Variants in PCDH11X observed in about 807,000 individuals in gnomAD.
PCDH11X encodes protocadherin 11 X-linked.
Under a neutral mutation model 53.3 loss-of-function variants are expected in PCDH11X, and 18 were observed. The ratio of observed to expected loss-of-function variants is 0.34; its 90% CI spans 0.23 to 0.50. The LOEUF (loss-of-function observed/expected upper bound fraction) is 0.50. Among genes scored for constraint, PCDH11X ranks in the 20% least tolerant of loss-of-function variants. PCDH11X has a pLI of 0.98. For missense variants in PCDH11X, 570 were observed against 1,032.4 expected (o/e 0.55, Z 6.14); for synonymous variants, 279 against 393.3 (o/e 0.71, Z 3.44).
At chrX:92,168,425 G>A (rs1479315104) in intron 6 of PCDH11X, among the ~76,000 whole-genome samples, 1 of 110,245 alleles carries the variant, frequency 9.1e-6, no homozygotes, top group Non-Finnish European at 1.9e-5. Flanking sequence ...AGGTGTGGTG[G>A]TGCTTGCCAG....
At chrX:91,915,576 C>T (rs1421236984) in intron 6 of PCDH11X, among the ~76,000 whole-genome samples, 1 of 110,839 alleles carries the variant, frequency 9.0e-6, no homozygotes, top group East Asian at 2.8e-4. Context: ...AAAGCAACAA[C>T]ATGAAGAAAA....
At chrX:91,922,686 CCTGA>C (rs1437457805) in intron 6 of PCDH11X, among the ~76,000 whole-genome samples, 4 of 112,129 alleles carry the variant, frequency 3.6e-5, no homozygotes, top group Admixed American at 1.9e-4. Context: ...TAATCTAATG[CCTGA>C]CTATCTGAAG....
chrX:92,327,807 C>CA (rs2069373446), intron 8 of PCDH11X, among the ~76,000 whole-genome samples: 1 of 96,774 alleles, frequency 1.0e-5, no homozygotes, highest in Non-Finnish European at 2.1e-5. Flanking sequence ...AATTAAGATG[C>CA]AAAAAAAGAT....
chrX:92,275,920 G>A (rs2068079200), intron 8 of PCDH11X, among the ~76,000 whole-genome samples: 2 of 110,307 alleles, frequency 1.8e-5, no homozygotes, highest in African/African-American at 3.3e-5. Flanking sequence ...GGTTAAGGTG[G>A]GGGAATACAA....
At chrX:92,564,309 A>G (rs2557277) in intron 10 of PCDH11X, among the ~76,000 whole-genome samples, 6,396 of 104,336 alleles carry the variant, frequency 0.061, 284 homozygotes, top group Admixed American at 0.15. Flanking sequence ...CTAAATAGTC[A>G]AAGCTATTCT....
rs1319715540 is a variant in PCDH11X at position 92,302,975 on chromosome X, A to G, written c.3144+39832A>G. Among the ~76,000 whole-genome samples, 501 of 108,657 alleles carry G rather than the reference A, an allele frequency of 4.6e-3. 2 individuals carry two copies. Among genetic ancestry groups the G allele is most frequent in the Non-Finnish European group, 7.8e-3 (410 of 52,247 alleles). The allele number at this position is 108,657 out of a possible 115,157, so 94.4% of individuals were successfully genotyped here. A position where few individuals can be genotyped will look rare whatever the true frequency, so the allele number is the denominator to read the frequency against. On this transcript the variant is annotated intron_variant, in intron 8 of 10. Transcript: ENST00000682573. ...ATTTTGTAGCTAATGTCTGATTTCAATGCTAGTGGAATACATAAGGAGAGA... is the reference window on the plus strand; with the variant it reads ...ATTTTGTAGCTAATGTCTGATTTCAGTGCTAGTGGAATACATAAGGAGAGA...
intron 10 of PCDH11X, among the ~76,000 whole-genome samples, chrX:92,512,657 TGAGTGTACAGA>T (rs1319410268): frequency 8.9e-5 from 10 of 112,139 alleles, no homozygotes; most frequent in African/African-American, 2.9e-4. Context: ...CGTGTCACAG[TGAGTGTACAGA>T]GGGCTCGAGC....
chrX:91,965,040 A>G (rs1280475520), intron 6 of PCDH11X, among the ~76,000 whole-genome samples: 1 of 110,778 alleles, frequency 9.0e-6, no homozygotes, highest in Non-Finnish European at 1.9e-5. Flanking sequence ...ACAATGCGTG[A>G]AAAAAGGAAG....
intron 8 of PCDH11X, among the ~76,000 whole-genome samples, chrX:92,286,454 T>A (rs868164375): frequency 1.8e-4 from 15 of 82,573 alleles, no homozygotes; most frequent in African/African-American, 2.3e-4. Flanking sequence ...ATTCAAAAAG[T>A]AAAAAAAAAA....
In PCDH11X at chrX:92,274,681, C is replaced by T. The variant is rs763351395; in HGVS notation, c.3144+11538C>T. 5.3e-4 allele frequency among the ~76,000 whole-genome samples: 59 copies of T among 110,368 alleles called. 1 individual carries two copies. In the South Asian group the frequency reaches 0.022, roughly 42 times the overall value. On this transcript the variant is annotated intron_variant, in intron 8 of 10. Transcript: ENST00000682573. ...AGGAGTAGTAGAATAGCAGATGGAA[C>T]ACTGAGAAGTTATTTCCTTGAGGAT...
chrX:92,499,143 T>A (rs1169702285), intron 10 of PCDH11X, among the ~76,000 whole-genome samples: 7 of 108,749 alleles, frequency 6.4e-5, no homozygotes, highest in Middle Eastern at 4.8e-3. Flanking sequence ...TTTCTTTCTA[T>A]TAAAGTCAAA....
intron 8 of PCDH11X, among the ~76,000 whole-genome samples, chrX:92,275,325 T>G (rs493429): frequency 2.0e-5 from 2 of 99,940 alleles, no homozygotes; most frequent in Non-Finnish European, 4.2e-5. Context: ...TAATTGGACA[T>G]GATCAGCAGG....
intron 6 of PCDH11X, among the ~76,000 whole-genome samples, chrX:91,984,715 T>C (rs2062201031): frequency 9.0e-6 from 1 of 111,284 alleles, no homozygotes; most frequent in Admixed American, 9.6e-5. Context: ...AATCTGCATT[T>C]ATAAGTTCTC....
chrX:92,400,644 G>GT (rs2071368893), intron 9 of PCDH11X, among the ~76,000 whole-genome samples: 1 of 104,394 alleles, frequency 9.6e-6, no homozygotes, highest in Admixed American at 1.1e-4. Flanking sequence ...CTGATTATGT[G>GT]TAAGTTTTAT....
At chrX:92,278,789 C>T (rs1435042674) in intron 8 of PCDH11X, among the ~76,000 whole-genome samples, 1 of 103,343 alleles carries the variant, frequency 9.7e-6, no homozygotes, top group Non-Finnish European at 1.9e-5. Context: ...GCTCAGAGGC[C>T]TGACAGTCTC....
intron 9 of PCDH11X, among the ~76,000 whole-genome samples, chrX:92,435,547 T>A (rs971823474): frequency 1.3e-4 from 15 of 111,296 alleles, no homozygotes; most frequent in African/African-American, 4.6e-4. Context: ...GGGCAGATCA[T>A]CTACAAAGAG....
intron 8 of PCDH11X, among the ~76,000 whole-genome samples, chrX:92,302,276 A>C (rs2755297): frequency 1.8e-5 from 2 of 111,156 alleles, no homozygotes; most frequent in East Asian, 5.7e-4. Flanking sequence ...GGCTGCTCTC[A>C]TGTGTAACGG....
intron 6 of PCDH11X, among the ~76,000 whole-genome samples, chrX:92,013,721 T>G (rs2062736070): frequency 9.0e-6 from 1 of 110,868 alleles, no homozygotes; most frequent in Non-Finnish European, 1.9e-5. Context: ...CCCTCAGAAA[T>G]AACGCCACAC....
chrX:92,224,208 A>T (rs756353755), intron 7 of PCDH11X, among the ~76,000 whole-genome samples: 2 of 112,089 alleles, frequency 1.8e-5, no homozygotes, highest in Non-Finnish European at 3.8e-5. Context: ...GTTCAGTTAC[A>T]CAGCTGTGCT....
Sources: allele counts gnomAD v4.1 joint callset (sites outside exome capture counted in the v4.1 genomes callset), GRCh38; gene constraint gnomAD v4.1.1; transcripts MANE v1.5; gene names NCBI Gene and HGNC (gene_info 2026-07-23, HGNC 2026-07-21).